DIAPH3: variants seen among roughly 807,000 people sequenced by gnomAD.
DIAPH3 encodes the protein diaphanous related formin 3.
A neutral mutation model predicts 144.3 loss-of-function variants in DIAPH3; 117 were observed. That is an observed-to-expected ratio of 0.81 (90% confidence interval 0.70 to 0.95). DIAPH3 has a LOEUF of 0.95. Among genes scored for constraint, DIAPH3 ranks in the 40% least tolerant of loss-of-function variants. DIAPH3 has a pLI of 0.00. For missense variants in DIAPH3, 1,421 were observed against 1,412.7 expected, an observed-to-expected ratio of 1.01 and a Z score of -0.09; for synonymous variants, 519 against 488.9, an observed-to-expected ratio of 1.06 and a Z score of -0.81.
At chr13:59,718,510 C>T (rs1011455119) in intron 27 of DIAPH3, among the ~76,000 whole-genome samples, 2 of 152,082 alleles carry the variant, frequency 1.3e-5, no homozygotes, top group Non-Finnish European at 2.9e-5. Flanking sequence ...CTCATAGCTA[C>T]TAAATATAAA....
intron 5 of DIAPH3, among the ~76,000 whole-genome samples, chr13:60,033,396 G>C (rs1301322858): frequency 2.6e-5 from 4 of 152,074 alleles, no homozygotes; most frequent in Non-Finnish European, 5.9e-5. Context: ...ATCTGCATCT[G>C]GGTAATTTCT....
intron 20 of DIAPH3, among the ~76,000 whole-genome samples, chr13:59,885,336 CG>C: frequency 1.3e-5 from 2 of 150,940 alleles, no homozygotes; most frequent in East Asian, 3.9e-4. Flanking sequence ...CCCATCCCAT[CG>C]TAGAAAACCA....
intron 24 of DIAPH3, among the ~76,000 whole-genome samples, chr13:59,831,121 C>T (rs2041753504): frequency 6.6e-6 from 1 of 151,834 alleles, no homozygotes; most frequent in African/African-American, 2.4e-5. Flanking sequence ...CATAGAAGAA[C>T]TGTGTGGCTT....
chr13:60,146,420 G>C (rs553044616), intron 1 of DIAPH3, among the ~76,000 whole-genome samples: 2 of 152,324 alleles, frequency 1.3e-5, no homozygotes, highest in East Asian at 3.9e-4. Flanking sequence ...CTGCCTGCCA[G>C]AGCTAAACAT....
intron 24 of DIAPH3, among the ~76,000 whole-genome samples, chr13:59,816,832 C>A (rs1410612040): frequency 6.6e-6 from 1 of 151,680 alleles, no homozygotes; most frequent in Non-Finnish European, 1.5e-5. Context: ...AAATATTTAT[C>A]TTTTATATAT....
chr13:59,670,785 G>T (rs1057447801), intron 27 of DIAPH3, among the ~76,000 whole-genome samples: 2 of 152,140 alleles, frequency 1.3e-5, no homozygotes, highest in South Asian at 4.1e-4. Context: ...GGGTTTCACT[G>T]TGTTAGCCAG....
chr13:60,044,605 A>G (rs964917659), intron 4 of DIAPH3, among the ~76,000 whole-genome samples: 3 of 152,220 alleles, frequency 2.0e-5, no homozygotes, highest in Non-Finnish European at 4.4e-5. Flanking sequence ...AATTTAGAAA[A>G]CACAGAAAAG....
intron 20 of DIAPH3, among the ~76,000 whole-genome samples, chr13:59,902,823 C>T (rs930531473): frequency 6.6e-6 from 1 of 152,074 alleles, no homozygotes; most frequent in African/African-American, 2.4e-5. Context: ...TGACTGAATG[C>T]TTATCTTAAA....
intron 25 of DIAPH3, among the ~76,000 whole-genome samples, chr13:59,808,692 C>T (rs911018277): frequency 1.3e-5 from 2 of 151,966 alleles, no homozygotes; most frequent in Non-Finnish European, 2.9e-5. Context: ...TATGGCACAA[C>T]CAGTGGAATC....
intron 20 of DIAPH3, among the ~76,000 whole-genome samples, chr13:59,898,284 A>G (rs1233844): frequency 0.76 from 115,897 of 152,070 alleles, 44,329 homozygotes; most frequent in East Asian, 0.89. Flanking sequence ...GACAGGTTCT[A>G]TATTCACGTA....
chr13:60,052,555 T>C (rs1432984593), intron 4 of DIAPH3, among the ~76,000 whole-genome samples: 1 of 152,132 alleles, frequency 6.6e-6, no homozygotes, highest in Non-Finnish European at 1.5e-5. Flanking sequence ...CCAGCATCTC[T>C]GTGTGATGCC....
At chr13:59,783,860 T>G (rs901685804) in intron 25 of DIAPH3, among the ~76,000 whole-genome samples, 13 of 152,136 alleles carry the variant, frequency 8.5e-5, no homozygotes, top group African/African-American at 3.1e-4. Flanking sequence ...TGGTAGAGCT[T>G]GAGCTCTCTT....
At chr13:60,023,960 A>G (rs1323570093) in intron 5 of DIAPH3, among the ~76,000 whole-genome samples, 2 of 136,460 alleles carry the variant, frequency 1.5e-5, no homozygotes, top group Non-Finnish European at 3.0e-5. Flanking sequence ...GGTTCACACC[A>G]TTCTCCTGCC....
At chr13:60,072,182 C>T (rs2057234551) in intron 4 of DIAPH3, among the ~76,000 whole-genome samples, 1 of 152,186 alleles carries the variant, frequency 6.6e-6, no homozygotes, top group South Asian at 2.1e-4. Flanking sequence ...TGCCAATCTC[C>T]TGAAGCAAGA....
intron 20 of DIAPH3, among the ~76,000 whole-genome samples, chr13:59,908,432 T>C (rs2046842953): frequency 6.7e-6 from 1 of 150,038 alleles, no homozygotes; most frequent in African/African-American, 2.5e-5. Context: ...TTCTGATATA[T>C]GCTAATTGAC....
intron 27 of DIAPH3, among the ~76,000 whole-genome samples, chr13:59,726,857 T>G (rs1433178389): frequency 6.6e-6 from 1 of 152,098 alleles, no homozygotes; most frequent in Non-Finnish European, 1.5e-5. Context: ...ACATTAAAAA[T>G]AAAAGTGTAT....
intron 15 of DIAPH3, among the ~76,000 whole-genome samples, chr13:59,972,465 T>C (rs2050441229): frequency 6.6e-6 from 1 of 152,216 alleles, no homozygotes; most frequent in Admixed American, 6.5e-5. Context: ...AAATGTTACA[T>C]AATTTTGAAT....
intron 1 of DIAPH3, among the ~76,000 whole-genome samples, chr13:60,160,008 G>A (rs964122875): frequency 2.0e-5 from 3 of 152,096 alleles, no homozygotes; most frequent in South Asian, 2.1e-4. Context: ...GGCGGATCAC[G>A]AGGTCAGGAG....
At chr13:59,791,851 G>C (rs1157638006) in intron 25 of DIAPH3, among the ~76,000 whole-genome samples, 1 of 152,070 alleles carries the variant, frequency 6.6e-6, no homozygotes, top group African/African-American at 2.4e-5. Flanking sequence ...TCCTCCTCCT[G>C]AGACCAGGAG....
Sources: gnomAD v4.1 joint callset for allele counts (sites outside exome capture counted in the v4.1 genomes callset) on GRCh38, gnomAD v4.1.1 for gene constraint, MANE v1.5 for transcripts, NCBI Gene and HGNC (gene_info 2026-07-23, HGNC 2026-07-21) for gene names.